Variants in PUS10 observed in about 807,000 individuals in gnomAD.
PUS10 encodes tRNA pseudouridine synthase Pus10.
Under a neutral mutation model 75.0 loss-of-function variants are expected in PUS10, and 59 were observed. The ratio of observed to expected loss-of-function variants is 0.79; its 90% confidence interval spans 0.64 to 0.98. The LOEUF (loss-of-function observed/expected upper bound fraction) is 0.98, where lower values mean the gene tolerates loss of function less well. Ranked by LOEUF, PUS10 falls within the 50% of genes least tolerant of loss-of-function variation. PUS10 has a pLI of 0.00. For missense variants in PUS10, 650 were observed against 614.4 expected (o/e 1.06, Z -0.61); for synonymous variants, 219 against 211.6 (o/e 1.03, Z -0.30).
chr2:60,945,081 G>A lies in PUS10; in HGVS notation c.1479C>T (p.Asp493=). 6.2e-7 allele frequency: 1 copy of A among 1,613,854 alleles called. No homozygotes were observed. The highest frequency in any genetic ancestry group is 1.1e-5 in the South Asian group (1 of 91,080). ...GTYIKEFVHG[D]FGRTKPNIGS... ...CAATGTTTGGCTTGGTTCTCCCGAA[G>A]TCTCCATGTACAAACTCTTTAATGT... is the stretch of plus-strand genomic sequence containing the variant. Residue 493 remains aspartate, a synonymous_variant, in exon 17 of 18, where the codon GAC becomes GAT. Coordinates refer to ENST00000316752, the MANE Select transcript of PUS10 (RefSeq NM_144709.4).
At chr2:60,990,333 C>T (rs1198332350) in intron 4 of PUS10, among the ~76,000 whole-genome samples, 1 of 152,104 alleles carries the variant, frequency 6.6e-6, no homozygotes, top group African/African-American at 2.4e-5. Flanking sequence ...TGCATGAAGA[C>T]ATCAGAAAGT....
intron 4 of PUS10, chr2:60,998,926 TATA>T (rs1329786967): frequency 6.6e-6 from 1 of 152,142 alleles, no homozygotes; most frequent in East Asian, 1.9e-4. Flanking sequence ...AGATATAAAG[TATA>T]ATAAATGATA....
chr2:61,003,255 A>T (rs1678968647), intron 4 of PUS10, among the ~76,000 whole-genome samples: 1 of 152,148 alleles, frequency 6.6e-6, no homozygotes, highest in South Asian at 2.1e-4. Flanking sequence ...TGCGATCAGG[A>T]GTTTGAGACC....
chr2:60,948,196 A>C lies in PUS10; in HGVS notation c.1309-11T>G. ...GTCGATTTTTAAGTCCTAGGGGAGA[A>C]TATGACACACAGTCCCAGAGTCAGA... On this transcript the variant is annotated splice_polypyrimidine_tract_variant and intron_variant, in intron 15 of 17. Transcript: ENST00000316752. The C allele has an allele frequency of 1.2e-6, 2 of 1,613,874 alleles. No individual in the cohort carries two copies. The highest frequency in any genetic ancestry group is 8.5e-7 in the Non-Finnish European group (1 of 1,179,782).
intron 4 of PUS10, among the ~76,000 whole-genome samples, chr2:60,996,793 A>C (rs61050870): frequency 0.089 from 13,584 of 152,138 alleles, 2,005 homozygotes; most frequent in African/African-American, 0.31. Context: ...TGCCCATAGC[A>C]TATCTTCTTT....
At position 61,007,987 on chromosome 2, in the gene PUS10, G is replaced by A. The variant is rs77076819; in HGVS notation, c.381+774C>T. On this transcript the variant is annotated intron_variant, in intron 3 of 17. Transcript: ENST00000316752. ...AGCTACTCGGGAGGCTGAGGTAGGA[G>A]AATGGCATGAACCTGGGAGGCGGAG... Among the ~76,000 whole-genome samples the A allele has an allele frequency of 2.0e-5, 3 of 151,796 alleles. No homozygotes were observed. The South Asian group carries it at 6.2e-4, about 31-fold the overall frequency.
At chr2:60,970,659 G>T (rs557217128) in intron 5 of PUS10, among the ~76,000 whole-genome samples, 35 of 151,924 alleles carry the variant, frequency 2.3e-4, no homozygotes, top group African/African-American at 7.7e-4. Context: ...CTGGGCGGGG[G>T]AGGGGACGGA....
intron 1 of PUS10, among the ~76,000 whole-genome samples, chr2:61,012,929 C>G (rs1268261205): frequency 7.0e-6 from 1 of 142,264 alleles, no homozygotes; most frequent in Non-Finnish European, 1.5e-5. Context: ...TTTCCCTCCA[C>G]CTTTCTGAGT....
chr2:61,012,963 G>A (rs1323443264), intron 1 of PUS10, among the ~76,000 whole-genome samples: 2 of 143,252 alleles, frequency 1.4e-5, no homozygotes, highest in African/African-American at 2.6e-5. Context: ...GAAAAACTAG[G>A]CAAGGTGCAG....
intron 4 of PUS10, among the ~76,000 whole-genome samples, chr2:60,975,149 G>T (rs1234611871): frequency 3.3e-5 from 5 of 152,056 alleles, no homozygotes; most frequent in African/African-American, 1.2e-4. Context: ...TCATGGTTCT[G>T]TTTGTTTGTT....
intron 1 of PUS10, among the ~76,000 whole-genome samples, chr2:61,015,618 G>A (rs532197299): frequency 1.3e-5 from 2 of 152,296 alleles, no homozygotes; most frequent in African/African-American, 2.4e-5. Context: ...AGAATCGCCC[G>A]AACCCAGGAG....
intron 4 of PUS10, among the ~76,000 whole-genome samples, chr2:60,990,162 G>GA (rs1039744617): frequency 7.3e-5 from 11 of 151,504 alleles, no homozygotes; most frequent in East Asian, 3.9e-4. Context: ...GCACGCACGG[G>GA]AAAAAAAACC....
intron 1 of PUS10, among the ~76,000 whole-genome samples, chr2:61,014,816 C>T (rs781010629): frequency 1.3e-5 from 2 of 152,176 alleles, no homozygotes; most frequent in Non-Finnish European, 2.9e-5. Flanking sequence ...AGTATAAAGA[C>T]GTGATTCTTC....
intron 4 of PUS10, among the ~76,000 whole-genome samples, chr2:60,983,412 C>G (rs144979650): frequency 0.012 from 1,833 of 152,234 alleles, 41 homozygotes; most frequent in African/African-American, 0.041. Context: ...GGCGCGGTGG[C>G]TCACGCCTGT....
chr2:60,948,775 T>C (rs1283012427), intron 15 of PUS10, among the ~76,000 whole-genome samples: 1 of 152,200 alleles, frequency 6.6e-6, no homozygotes, highest in Non-Finnish European at 1.5e-5. Flanking sequence ...TCAGATTTTT[T>C]AGGGACACAG....
At chr2:60,955,168 GAACAATC>G in intron 11 of PUS10, 94 bp from the exon 12 acceptor site, 1 of 713,354 alleles carries the variant, frequency 1.4e-6, no homozygotes. Context: ...TGAAGGTCTT[GAACAATC>G]TATAGGAGAA....
chr2:60,944,857 C>T, intron 17 of PUS10, 152 bp downstream of exon 17: 1 of 566,636 alleles, frequency 1.8e-6, no homozygotes, highest in Non-Finnish European at 3.2e-6. Context: ...AATCCGAAGA[C>T]AGTCCCTCCC....
intron 5 of PUS10, 115 bp downstream of exon 5, chr2:60,971,408 C>T (rs1676653233): frequency 1.1e-6 from 1 of 918,984 alleles, no homozygotes; most frequent in Non-Finnish European, 1.8e-6. Context: ...GTGCTAATTT[C>T]TCTAGTAGCT....
chr2:60,947,287 C>T (rs1405287332), intron 16 of PUS10, among the ~76,000 whole-genome samples: 1 of 151,914 alleles, frequency 6.6e-6, no homozygotes, highest in African/African-American at 2.4e-5. Flanking sequence ...AAGTAAAGAT[C>T]CTGATGTAAA....
Sources: allele counts gnomAD v4.1 joint callset (sites outside exome capture counted in the v4.1 genomes callset), GRCh38; gene constraint gnomAD v4.1.1; transcripts MANE v1.5; gene names NCBI Gene and HGNC (gene_info 2026-07-23, HGNC 2026-07-21).